Variants in GATB observed in about 807,000 individuals in gnomAD.
GATB encodes glutamyl-tRNA(Gln) amidotransferase subunit B, mitochondrial.
Under a neutral mutation model 62.3 loss-of-function variants are expected in GATB, and 39 were observed. The observed-to-expected ratio is 0.63, with a 90% CI of 0.48 to 0.82. The LOEUF (loss-of-function observed/expected upper bound fraction) is 0.82, where lower values mean the gene tolerates loss of function less well. GATB is among the 40% of genes least tolerant of loss of function. The pLI is 0.00. For missense variants in GATB, 670 were observed against 684.0 expected (o/e 0.98, Z 0.23); for synonymous variants, 276 against 258.9 (o/e 1.07, Z -0.63).
intron 9 of GATB, among the ~76,000 whole-genome samples, chr4:151,698,847 G>A (rs529576577): frequency 6.6e-6 from 1 of 151,618 alleles, no homozygotes; most frequent in African/African-American, 2.4e-5. Context: ...ATCAAAAAAA[G>A]TCCTTTCAAA....
intron 1 of GATB, 92 bp downstream of exon 1, chr4:151,760,715 C>A: frequency 8.0e-7 from 1 of 1,244,448 alleles, no homozygotes; most frequent in Non-Finnish European, 1.1e-6. Flanking sequence ...TCAGCCAAAA[C>A]GTCTAGAAGC....
In GATB at chr4:151,719,443, G is replaced by T. The variant is rs1257296952; in HGVS notation, c.423C>A (p.Tyr141Ter). 1.1e-5 allele frequency: 17 copies of T among 1,611,382 alleles called. No individual in the cohort carries two copies. The highest frequency in any genetic ancestry group is 1.4e-5 in the Non-Finnish European group (16 of 1,178,428). Residue 141 changes from tyrosine (Y) to a stop codon, truncating the protein, a stop_gained, in exon 3 of 13, where the codon TAC becomes TAA. Coordinates refer to ENST00000263985, the MANE Select transcript of GATB (RefSeq NM_004564.3). LOFTEE classifies it high-confidence loss of function. ...TACTTACAGGGAGGTCTGCATAGAAGTAGTGCTTCCTGTCAAACAAGGACT... is the reference window on the plus strand; with the variant it reads ...TACTTACAGGGAGGTCTGCATAGAATTAGTGCTTCCTGTCAAACAAGGACT... ...NKKSLFDRKH[Y>*]FYADLPAGYQ... is the part of the protein sequence containing the mutation.
At chr4:151,683,330 C>T (rs779884881) in intron 10 of GATB, among the ~76,000 whole-genome samples, 1 of 152,218 alleles carries the variant, frequency 6.6e-6, no homozygotes, top group Non-Finnish European at 1.5e-5. Flanking sequence ...AAACATTCAG[C>T]TTCTCCCCAT....
At chr4:151,750,001 C>T (rs1739685429) in intron 2 of GATB, among the ~76,000 whole-genome samples, 1 of 152,110 alleles carries the variant, frequency 6.6e-6, no homozygotes, top group Non-Finnish European at 1.5e-5. Flanking sequence ...CCTGCCTCAG[C>T]CTCCCGAGTA....
At position 151,719,458 on chromosome 4, in the gene GATB, A is replaced by C. The variant is rs376766195; in HGVS notation, c.408T>G (p.Phe136Leu). 1.6e-5 allele frequency: 26 copies of C among 1,612,192 alleles called. No homozygotes were observed. Among genetic ancestry groups the C allele is most frequent in the Non-Finnish European group, 2.1e-5 (25 of 1,179,172 alleles). Residue 136 changes from phenylalanine to leucine, a missense_variant, in exon 3 of 13, where the codon TTT (phenylalanine) becomes TTG (leucine). Physicochemically the swap from Phe to Leu is conservative, Grantham distance 22. Transcript: ENST00000263985. ...LNCHINKKSL[F>L]DRKHYFYADL... ...CTGCATAGAAGTAGTGCTTCCTGTC[A>C]AACAAGGACTTCTTGTTTATGTGGC...
chr4:151,760,176 G>A lies in GATB; in HGVS notation c.176+631C>T, dbSNP rs965950433. On this transcript the variant is annotated intron_variant, in intron 1 of 12. Transcript: ENST00000263985. ...TATTAGAAACTTGCCATATGTTTCT[G>A]TATTTAAAGAGAAACTATTTAATTC... is the stretch of plus-strand genomic sequence containing the variant. Among the ~76,000 whole-genome samples, 4 of 148,354 alleles carry A rather than the reference G, an allele frequency of 2.7e-5. No individual in the cohort carries two copies. In the East Asian group the frequency reaches 7.7e-4, roughly 29 times the overall value.
At chr4:151,758,103 A>T (rs1466791647) in intron 2 of GATB, among the ~76,000 whole-genome samples, 1 of 152,084 alleles carries the variant, frequency 6.6e-6, no homozygotes, top group Non-Finnish European at 1.5e-5. Context: ...ACAATAGTTA[A>T]CTCACTGCAT....
chr4:151,744,541 G>T (rs1739557983), intron 2 of GATB, among the ~76,000 whole-genome samples: 1 of 152,052 alleles, frequency 6.6e-6, no homozygotes, highest in Non-Finnish European at 1.5e-5. Context: ...CTTGAACCCA[G>T]GAGTTAGAAA....
intron 12 of GATB, among the ~76,000 whole-genome samples, chr4:151,672,225 G>A (rs1737887041): frequency 6.6e-6 from 1 of 152,300 alleles, no homozygotes; most frequent in East Asian, 1.9e-4. Context: ...GTCTTGTGCT[G>A]TGCTAAGAAC....
At chr4:151,737,390 T>C (rs953734657) in intron 2 of GATB, among the ~76,000 whole-genome samples, 8 of 152,158 alleles carry the variant, frequency 5.3e-5, no homozygotes, top group Admixed American at 5.2e-4. Context: ...ACAGAAGAAA[T>C]TTCTAAGCAG....
At chr4:151,672,455 C>A (rs1390289505) in intron 12 of GATB, among the ~76,000 whole-genome samples, 1 of 152,130 alleles carries the variant, frequency 6.6e-6, no homozygotes, top group Non-Finnish European at 1.5e-5. Flanking sequence ...TGGGAGAGGG[C>A]GACACACCTG....
intron 10 of GATB, among the ~76,000 whole-genome samples, chr4:151,687,620 C>T (rs536996449): frequency 4.6e-5 from 7 of 152,228 alleles, no homozygotes; most frequent in South Asian, 2.1e-4. Context: ...TATTGAAGCG[C>T]GATGGTTTTA....
chr4:151,678,750 G>A (rs6849050), intron 11 of GATB, among the ~76,000 whole-genome samples: 90,834 of 152,150 alleles, frequency 0.6, 29,669 homozygotes, highest in African/African-American at 0.88. Context: ...CACTACTGTC[G>A]GTGCAGATAA....
rs1739298243 is a variant in GATB, at chr4:151,732,926, A to G, written c.328-13388T>C. Among the ~76,000 whole-genome samples the G allele has an allele frequency of 2.0e-5, 3 of 152,044 alleles. No homozygotes were observed. The South Asian group carries it at 6.2e-4, about 31-fold the overall frequency. ...GGACACACTTTTATAACTGAATGAC[A>G]ATAATGACACAACCTATCAAAACCT... On this transcript the variant is annotated intron_variant, in intron 2 of 12. Transcript: ENST00000263985.
At chr4:151,722,220 A>C (rs1422444632) in intron 2 of GATB, 1 of 702,098 alleles carries the variant, frequency 1.4e-6, no homozygotes, top group Admixed American at 2.0e-5. Flanking sequence ...TTCACTCTGA[A>C]AAAAAAAATT....
chr4:151,751,531 A>G (rs947091781), intron 2 of GATB, among the ~76,000 whole-genome samples: 2 of 152,246 alleles, frequency 1.3e-5, no homozygotes, highest in Non-Finnish European at 2.9e-5. Context: ...AAATGTTCCT[A>G]CAGCCTATAC....
intron 12 of GATB, among the ~76,000 whole-genome samples, chr4:151,672,252 T>C: frequency 6.6e-6 from 1 of 152,206 alleles, no homozygotes; most frequent in Non-Finnish European, 1.5e-5. Context: ...TGACCTGGTT[T>C]TCAGTCATGC....
chr4:151,728,746 C>A (rs1225786914), intron 2 of GATB, among the ~76,000 whole-genome samples: 1 of 152,110 alleles, frequency 6.6e-6, no homozygotes, highest in Non-Finnish European at 1.5e-5. Context: ...GACTGAAAAG[C>A]TCTAATAATC....
intron 2 of GATB, among the ~76,000 whole-genome samples, chr4:151,752,408 T>G (rs1231363954): frequency 6.6e-6 from 1 of 152,174 alleles, no homozygotes; most frequent in Non-Finnish European, 1.5e-5. Context: ...GTTTTCTATT[T>G]TTTCACGAGT....
Sources: gnomAD v4.1 joint callset for allele counts (sites outside exome capture counted in the v4.1 genomes callset) on GRCh38, gnomAD v4.1.1 for gene constraint, MANE v1.5 for transcripts, NCBI Gene and HGNC (gene_info 2026-07-23, HGNC 2026-07-21) for gene names.